Variants in CD209 observed in about 807,000 individuals in gnomAD.
CD209 encodes the protein CD209 molecule, also known as CD209 antigen.
A neutral mutation model predicts 44.7 loss-of-function variants in CD209; 31 were observed. That is an observed-to-expected ratio of 0.69 (90% CI 0.52 to 0.94). CD209 has a LOEUF of 0.94. CD209 is among the 40% of genes least tolerant of loss of function. CD209 has a pLI of 0.00. For missense variants in CD209, 407 were observed against 452.4 expected, an observed-to-expected ratio of 0.90 and a Z score of 0.91; for synonymous variants, 173 against 181.3, an observed-to-expected ratio of 0.95 and a Z score of 0.37.
intron 3 of CD209, 70 bp from the exon 4 acceptor site, chr19:7,746,157 C>T: frequency 6.3e-7 from 1 of 1,582,730 alleles, no homozygotes; most frequent in Non-Finnish European, 8.6e-7. Flanking sequence ...AACTGAGCCC[C>T]ATAGGGACAT....
rs1049550237 is a variant in CD209, at chr19:7,743,252, A to G, written c.1014-12T>C. 1 of 1,611,730 alleles carries G rather than the reference A, an allele frequency of 6.2e-7. No homozygotes were observed. The highest frequency in any genetic ancestry group is 8.5e-7 in the Non-Finnish European group (1 of 1,177,814). On this transcript the variant is annotated splice_polypyrimidine_tract_variant and intron_variant, in intron 6 of 6. Coordinates refer to ENST00000315599, the MANE Select transcript of CD209 (RefSeq NM_021155.4). ...AATACTGCTTGAAGCTGCAAAGCCC[A>G]TGCGGAATGTGAGCCTCTGTCCCCG...
At position 7,740,442 on chromosome 19, in the gene CD209, G is replaced by A. The variant is rs185545863; in HGVS notation, c.*2597C>T. 54 of 714,516 alleles carry A rather than the reference G, an allele frequency of 7.6e-5. 1 individual carries two copies. The Admixed American group carries it at 9.2e-4, about 12-fold the overall frequency. 44.3% of individuals were successfully genotyped at this position (714,516 alleles called of 1,614,324 possible). A position where few individuals can be genotyped will look rare whatever the true frequency, so the allele number is the denominator to read the frequency against. On this transcript the variant is annotated 3_prime_UTR_variant, in exon 7 of 7. Coordinates refer to ENST00000315599, the MANE Select transcript of CD209 (RefSeq NM_021155.4). ...ATAAAGGATACAACTAGAGGGGCGG[G>A]GCGGTGCCGGCAAGATGGCTGCGCC...
In CD209 at chr19:7,742,530, C is replaced by T. The variant is rs1226991545; in HGVS notation, c.*509G>A. The T allele has an allele frequency of 6.3e-6, 1 of 159,864 alleles. No homozygotes were observed. The highest frequency in any genetic ancestry group is 1.4e-5 in the Non-Finnish European group (1 of 72,186). The allele number at this position is 159,864 out of a possible 1,614,324, so 9.9% of individuals were successfully genotyped here. A position where few individuals can be genotyped will look rare whatever the true frequency, so the allele number is the denominator to read the frequency against. On this transcript the variant is annotated 3_prime_UTR_variant, in exon 7 of 7. Coordinates refer to ENST00000315599, the MANE Select transcript of CD209 (RefSeq NM_021155.4). ...AGCCAAATGGAAGCCATGTATAAGA[C>T]AAAGGAAGATGTGGGGGTGGAAGGG...
intron 3 of CD209, 77 bp downstream of exon 3, chr19:7,746,383 G>C: frequency 6.6e-7 from 1 of 1,508,190 alleles, no homozygotes; most frequent in South Asian, 1.1e-5. Context: ...CTCCCTCCCA[G>C]ATCTGGCAGC....
Position 7,740,535 on chromosome 19 carries a change from C to A in CD209, c.*2504G>T, listed in dbSNP as rs878960476. On this transcript the variant is annotated 3_prime_UTR_variant, in exon 7 of 7. Coordinates refer to ENST00000315599, the MANE Select transcript of CD209 (RefSeq NM_021155.4). ...CAGGGCCGCCCTGAAGAAGGAGAAACGAAAGAAACGCCAGCAGGAACTTGC... is the reference window on the plus strand; with the variant it reads ...CAGGGCCGCCCTGAAGAAGGAGAAAAGAAAGAAACGCCAGCAGGAACTTGC... 5 of 1,141,696 alleles carry A rather than the reference C, an allele frequency of 4.4e-6. No individual in the cohort carries two copies. The highest frequency in any genetic ancestry group is 5.3e-6 in the Non-Finnish European group (4 of 751,616). 70.7% of individuals were successfully genotyped at this position (1,141,696 alleles called of 1,614,324 possible).
Position 7,740,742 on chromosome 19 carries a change from C to G in CD209, c.*2297G>C. ...AAAGGAAGAGGTGGCTAGAAAACGG[C>G]AAGAACAAGAGCGAAAGTTAAAGGA... On this transcript the variant is annotated 3_prime_UTR_variant, in exon 7 of 7. Coordinates refer to ENST00000315599, the MANE Select transcript of CD209 (RefSeq NM_021155.4). 1 of 763,776 alleles carries G rather than the reference C, an allele frequency of 1.3e-6. No individual in the cohort carries two copies. Among genetic ancestry groups the G allele is most frequent in the Non-Finnish European group, 2.4e-6 (1 of 408,340 alleles). The allele number at this position is 763,776 out of a possible 1,614,324, so 47.3% of individuals were successfully genotyped here.
Position 7,743,098 on chromosome 19 carries a change from T to C in CD209, c.1156A>G (p.Arg386Gly). ...GGAGAAAGAAACTGTTCTTCATCCCTGGAGCAGGAGGCTGCGGACTTTTTG... is the reference window on the plus strand; with the variant it reads ...GGAGAAAGAAACTGTTCTTCATCCCCGGAGCAGGAGGCTGCGGACTTTTTG... ...ICKKSAASCSRDEEQFLSPAP... is the reference protein window; with the variant it reads ...ICKKSAASCSGDEEQFLSPAP... Residue 386 changes from arginine to glycine, a missense_variant, in exon 7 of 7, where the codon AGG becomes GGG. By Grantham distance (125) the Arg-to-Gly change is moderately radical. Coordinates refer to ENST00000315599, the MANE Select transcript of CD209 (RefSeq NM_021155.4). 1.2e-6 allele frequency: 2 copies of C among 1,614,216 alleles called. No homozygotes were observed. Among genetic ancestry groups the C allele is most frequent in the Non-Finnish European group, 1.7e-6 (2 of 1,180,024 alleles).
chr19:7,746,915 A>G (rs2033853910), intron 2 of CD209, among the ~76,000 whole-genome samples: 1 of 145,312 alleles, frequency 6.9e-6, no homozygotes, highest in East Asian at 2.1e-4. Flanking sequence ...CACCTCCCCA[A>G]GACCCAAGAA....
rs1224496471 is a variant in CD209, at chr19:7,741,029, C to G, written c.*2010G>C. On this transcript the variant is annotated 3_prime_UTR_variant, in exon 7 of 7. Transcript: ENST00000315599. ...CATGATTTCCCAACATCCAGTCCTA[C>G]CCTTCTTATTAAAAGCATGTTTACA... is the stretch of plus-strand genomic sequence containing the variant. 1 of 747,976 alleles carries G rather than the reference C, an allele frequency of 1.3e-6. No homozygotes were observed. Among genetic ancestry groups the G allele is most frequent in the Non-Finnish European group, 2.4e-6 (1 of 422,396 alleles). 46.3% of individuals were successfully genotyped at this position (747,976 alleles called of 1,614,324 possible).
chr19:7,741,502 A>G lies in CD209; in HGVS notation c.*1537T>C. ...CAAGACCCCATCTTTAAAAAAAAAT[A>G]GTAATTAAAAAATAACGTGGGGAGA... On this transcript the variant is annotated 3_prime_UTR_variant, in exon 7 of 7. Coordinates refer to ENST00000315599, the MANE Select transcript of CD209 (RefSeq NM_021155.4). The G allele has an allele frequency of 1.8e-6, 1 of 554,952 alleles. No homozygotes were observed. The highest frequency in any genetic ancestry group is 3.5e-6 in the Non-Finnish European group (1 of 283,818). The allele number at this position is 554,952 out of a possible 1,614,324, so 34.4% of individuals were successfully genotyped here. A position where few individuals can be genotyped will look rare whatever the true frequency, so the allele number is the denominator to read the frequency against.
rs974604112 is a variant in CD209 at position 7,746,218 on chromosome 19, C to T, written c.179-131G>A. The T allele has an allele frequency of 5.1e-5, 70 of 1,369,108 alleles. 2 individuals are homozygous for T. The Middle Eastern group carries it at 7.4e-4, about 15-fold the overall frequency. The allele number at this position is 1,369,108 out of a possible 1,614,324, so 84.8% of individuals were successfully genotyped here. On this transcript the variant is annotated intron_variant, in intron 3 of 6. Transcript: ENST00000315599. ...TAATCCCCTTTGAAGATGAAGAAAA[C>T]TGACACCTGGAGAAGGCAGCACAGA...
At position 7,742,891 on chromosome 19, in the gene CD209, CA is replaced by C. The variant is rs1443223193; in HGVS notation, c.*147del. The C allele has an allele frequency of 4.4e-6, 3 of 687,228 alleles. No individual in the cohort carries two copies. The highest frequency in any genetic ancestry group is 7.5e-6 in the Non-Finnish European group (3 of 401,522). 42.6% of individuals were successfully genotyped at this position (687,228 alleles called of 1,614,324 possible). ...TGGGCCAGAAAAACAAGCTCTACACCAGGGGAAATTGGAGGCATGACAAGAA... is the reference window on the plus strand; with the variant it reads ...TGGGCCAGAAAAACAAGCTCTACACCGGGGAAATTGGAGGCATGACAAGAA... On this transcript the variant is annotated 3_prime_UTR_variant, in exon 7 of 7. Coordinates refer to ENST00000315599, the MANE Select transcript of CD209 (RefSeq NM_021155.4).
At position 7,747,448 on chromosome 19, in the gene CD209, G is replaced by T. The variant is rs201938697; in HGVS notation, c.46+18C>A. On this transcript the variant is annotated intron_variant, in intron 1 of 6. Coordinates refer to ENST00000315599, the MANE Select transcript of CD209 (RefSeq NM_021155.4). ...CCTTCCCCCTTCCCAGAATCCCAGC[G>T]TCCCAACCCAGCCTCACCCAGGAGG... 2 of 1,614,184 alleles carry T rather than the reference G, an allele frequency of 1.2e-6. No individual in the cohort carries two copies. Among genetic ancestry groups the T allele is most frequent in the Non-Finnish European group, 1.7e-6 (2 of 1,180,034 alleles).
Position 7,744,941 on chromosome 19 carries a change from C to T in CD209, c.900G>A (p.Gln300=), listed in dbSNP as rs2033751197. 2 of 1,614,092 alleles carry T rather than the reference C, an allele frequency of 1.2e-6. No homozygotes were observed. The highest frequency in any genetic ancestry group is 1.1e-5 in the South Asian group (1 of 91,088). Residue 300 remains glutamine, a splice_region_variant and synonymous_variant, in exon 5 of 7, where the codon CAG becomes CAA. Transcript: ENST00000315599. The part of the protein sequence containing the change: ...QLVVIKSAEE[Q]NFLQLQSSRS... Reference sequence around the variant, plus strand: ...GGACGGGGACCCCCACCAGGTGTACCTGCTCCTCAGCACTTTTGATTACGA... The same window carrying T: ...GGACGGGGACCCCCACCAGGTGTACTTGCTCCTCAGCACTTTTGATTACGA...
In CD209 at chr19:7,741,536, G is replaced by A. The variant is rs900967601; in HGVS notation, c.*1503C>T. Reference sequence around the variant, plus strand: ...AAAATAACGTGGGGAGAGTGATTCAGTTCAAGGTCAGTTGCAACTTGGAAC... The same window carrying A: ...AAAATAACGTGGGGAGAGTGATTCAATTCAAGGTCAGTTGCAACTTGGAAC... On this transcript the variant is annotated 3_prime_UTR_variant, in exon 7 of 7. Coordinates refer to ENST00000315599, the MANE Select transcript of CD209 (RefSeq NM_021155.4). The A allele has an allele frequency of 4.9e-6, 3 of 613,186 alleles. No individual in the cohort carries two copies. Among genetic ancestry groups the A allele is most frequent in the East Asian group, 4.1e-5 (1 of 24,304 alleles). The allele number at this position is 613,186 out of a possible 1,614,324, so 38.0% of individuals were successfully genotyped here.
At position 7,741,958 on chromosome 19, in the gene CD209, G is replaced by T; in HGVS notation, c.*1081C>A. 1 of 362,658 alleles carries T rather than the reference G, an allele frequency of 2.8e-6. No individual in the cohort carries two copies. Among genetic ancestry groups the T allele is most frequent in the Non-Finnish European group, 5.5e-6 (1 of 181,392 alleles). 22.5% of individuals were successfully genotyped at this position (362,658 alleles called of 1,614,324 possible). A position where few individuals can be genotyped will look rare whatever the true frequency, so the allele number is the denominator to read the frequency against. The stretch of plus-strand genomic sequence containing the variant: ...AGAAATCTCACTAGCACATGTCAAA[G>T]AGCCAGGAGAGGCACAATTCACCTA... On this transcript the variant is annotated 3_prime_UTR_variant, in exon 7 of 7. Coordinates refer to ENST00000315599, the MANE Select transcript of CD209 (RefSeq NM_021155.4).
chr19:7,746,940 C>T (rs1206672876), intron 2 of CD209, among the ~76,000 whole-genome samples: 1 of 151,046 alleles, frequency 6.6e-6, no homozygotes, highest in Non-Finnish European at 1.5e-5. Context: ...GGTCCCAGCC[C>T]CTACATCCCC....
Position 7,745,110 on chromosome 19 carries a change from T to A in CD209, c.749-18A>T. 6.2e-7 allele frequency: 1 copy of A among 1,614,042 alleles called. No homozygotes were observed. The highest frequency in any genetic ancestry group is 8.5e-7 in the Non-Finnish European group (1 of 1,179,948). Reference sequence around the variant, plus strand: ...CAGGCGTTCTGTTGGGGGAGGCTGGTCAGGGCTGGGCTTAGATTAGGTTGT... The same window carrying A: ...CAGGCGTTCTGTTGGGGGAGGCTGGACAGGGCTGGGCTTAGATTAGGTTGT... On this transcript the variant is annotated intron_variant, in intron 4 of 6. Coordinates refer to ENST00000315599, the MANE Select transcript of CD209 (RefSeq NM_021155.4).
intron 5 of CD209, among the ~76,000 whole-genome samples, chr19:7,744,649 G>A (rs145096191): frequency 1.3e-5 from 2 of 152,330 alleles, no homozygotes; most frequent in East Asian, 3.9e-4. Context: ...AGGGAAACTG[G>A]CAAACACGAC....
Sources: gnomAD v4.1 joint callset for allele counts (sites outside exome capture counted in the v4.1 genomes callset) on GRCh38, gnomAD v4.1.1 for gene constraint, MANE v1.5 for transcripts, NCBI Gene and HGNC (gene_info 2026-07-23, HGNC 2026-07-21) for gene names.